The following CTNNA3 variants were observed in gnomAD, a reference collection of about 807,000 sequenced individuals.
CTNNA3 encodes the protein catenin alpha-3.
A neutral mutation model predicts 95.7 loss-of-function variants in CTNNA3; 76 were observed. The ratio of observed to expected loss-of-function variants is 0.79; its 90% CI spans 0.66 to 0.96. CTNNA3 has a LOEUF of 0.96. Ranked by LOEUF, CTNNA3 falls within the 40% of genes least tolerant of loss-of-function variation. The pLI is 0.00. For missense variants in CTNNA3, 1,191 were observed against 1,089.8 expected (o/e 1.09, Z -1.31); for synonymous variants, 431 against 374.4 (o/e 1.15, Z -1.74).
At chr10:66,951,330 G>A (rs945393612) in intron 7 of CTNNA3, among the ~76,000 whole-genome samples, 2 of 152,000 alleles carry the variant, frequency 1.3e-5, no homozygotes, top group Non-Finnish European at 2.9e-5. Context: ...TGGCCAGGCT[G>A]GTCTCAAACT....
intron 7 of CTNNA3, among the ~76,000 whole-genome samples, chr10:67,021,186 A>G (rs1044771720): frequency 6.6e-6 from 1 of 152,186 alleles, no homozygotes; most frequent in African/African-American, 2.4e-5. Context: ...CAAGATCAGA[A>G]AAGAAGTTCA....
At chr10:67,635,552 G>A (rs796976079) in intron 2 of CTNNA3, among the ~76,000 whole-genome samples, 2 of 152,028 alleles carry the variant, frequency 1.3e-5, no homozygotes, top group East Asian at 3.9e-4. Context: ...CACATAAACA[G>A]AACTAAAGAC....
rs570278973 is a variant in CTNNA3 at position 66,130,370 on chromosome 10, T to C, written c.1885-27121A>G. ...GACAAGAAATAACTAAAGTGAGAGC[T>C]GAACTGAAGACTGAGACACGAAAAA... On this transcript the variant is annotated intron_variant, in intron 13 of 17. Coordinates refer to ENST00000433211, the MANE Select transcript of CTNNA3 (RefSeq NM_013266.4). Among the ~76,000 whole-genome samples the C allele has an allele frequency of 1.6e-3, 239 of 149,000 alleles. 1 individual carries two copies. The highest frequency in any genetic ancestry group is 5.2e-3 in the African/African-American group (213 of 40,800).
chr10:66,399,725 T>C (rs2093005703), intron 11 of CTNNA3, among the ~76,000 whole-genome samples: 1 of 152,038 alleles, frequency 6.6e-6, no homozygotes, highest in Non-Finnish European at 1.5e-5. Flanking sequence ...TGAATAGTTA[T>C]ATGTAGTGAA....
In CTNNA3 at chr10:66,843,237, G is replaced by C. The variant is rs186383074; in HGVS notation, c.1048-67713C>G. Among the ~76,000 whole-genome samples the C allele has an allele frequency of 1.4e-4, 21 of 152,164 alleles. No individual in the cohort carries two copies. In the South Asian group the frequency reaches 3.3e-3, roughly 24 times the overall value. On this transcript the variant is annotated intron_variant, in intron 7 of 17. Transcript: ENST00000433211. ...GAAAACCAAGCTCAGGGGGGTTTAC[G>C]GGCTCACGATCACAGGGGATCAGTA...
intron 11 of CTNNA3, among the ~76,000 whole-genome samples, chr10:66,460,494 A>G (rs1334013828): frequency 6.6e-6 from 1 of 152,162 alleles, no homozygotes; most frequent in Non-Finnish European, 1.5e-5. Context: ...GGTAATCTAA[A>G]GCCAGGGAAC....
rs115087203 is a variant in CTNNA3 at position 66,411,933 on chromosome 10, C to G, written c.1532-32581G>C. ...ATGACATTCCGAGGAGCTCTGAAGC[C>G]TGTAAGGATTCTACCAAATTGGGGC... On this transcript the variant is annotated intron_variant, in intron 11 of 17. Transcript: ENST00000433211. Among the ~76,000 whole-genome samples the G allele has an allele frequency of 6.8e-3, 1,038 of 152,178 alleles. 10 individuals are homozygous for G. Among genetic ancestry groups the G allele is most frequent in the African/African-American group, 0.024 (983 of 41,520 alleles).
intron 14 of CTNNA3, among the ~76,000 whole-genome samples, chr10:66,092,555 C>T (rs1389062747): frequency 6.6e-6 from 1 of 151,884 alleles, no homozygotes; most frequent in East Asian, 1.9e-4. Flanking sequence ...GTAAATGCAT[C>T]GATGAGTAGA....
At chr10:66,912,887 G>T (rs1440563979) in intron 7 of CTNNA3, among the ~76,000 whole-genome samples, 1 of 150,190 alleles carries the variant, frequency 6.7e-6, no homozygotes, top group African/African-American at 2.5e-5. Flanking sequence ...TACAGCCAAG[G>T]AAGCCACAAG....
chr10:66,190,218 A>G (rs1233011271), intron 13 of CTNNA3, among the ~76,000 whole-genome samples: 1 of 152,198 alleles, frequency 6.6e-6, no homozygotes, highest in African/African-American at 2.4e-5. Context: ...CAATAACAGT[A>G]ATAGGCAATT....
At chr10:66,561,465 G>A (rs1016278099) in intron 10 of CTNNA3, among the ~76,000 whole-genome samples, 5 of 151,912 alleles carry the variant, frequency 3.3e-5, no homozygotes, top group African/African-American at 4.8e-5. Context: ...CATTTTTATC[G>A]GATACATTAA....
At chr10:66,830,836 C>G (rs946804762) in intron 7 of CTNNA3, among the ~76,000 whole-genome samples, 1 of 152,108 alleles carries the variant, frequency 6.6e-6, no homozygotes, top group Non-Finnish European at 1.5e-5. Context: ...GTCTCTATCT[C>G]CTGACCTCGT....
At chr10:66,750,857 A>G (rs536583664) in intron 9 of CTNNA3, among the ~76,000 whole-genome samples, 1 of 152,324 alleles carries the variant, frequency 6.6e-6, no homozygotes, top group East Asian at 1.9e-4. Context: ...GAGTATCTCC[A>G]TTTATTTAGA....
intron 9 of CTNNA3, among the ~76,000 whole-genome samples, chr10:66,667,395 G>T (rs989639831): frequency 3.9e-5 from 6 of 152,080 alleles, no homozygotes; most frequent in Non-Finnish European, 8.8e-5. Context: ...CAGAAACAAC[G>T]TTAAGAGAAC....
chr10:66,751,298 G>A lies in CTNNA3; in HGVS notation c.1281+14966C>T, dbSNP rs146303894. 1.4e-4 allele frequency among the ~76,000 whole-genome samples: 22 copies of A among 152,092 alleles called. 1 individual carries two copies. In the East Asian group the frequency reaches 4.1e-3, roughly 28 times the overall value. ...AAAATTTCCACTTGTCCACTTGTTT[G>A]TTGCTAGTATATAGGAAAGCAATTG... On this transcript the variant is annotated intron_variant, in intron 9 of 17. Transcript: ENST00000433211.
At chr10:66,765,726 T>G (rs1839820718) in intron 9 of CTNNA3, among the ~76,000 whole-genome samples, 1 of 152,110 alleles carries the variant, frequency 6.6e-6, no homozygotes, top group African/African-American at 2.4e-5. Flanking sequence ...CATGGTGCAT[T>G]CCCATGTCTC....
intron 7 of CTNNA3, among the ~76,000 whole-genome samples, chr10:67,074,451 C>T (rs373518953): frequency 1.4e-5 from 2 of 147,148 alleles, no homozygotes; most frequent in East Asian, 2.0e-4. Context: ...CCCGGGTTCA[C>T]GCCATTCTCC....
chr10:66,989,411 T>C (rs1262745573), intron 7 of CTNNA3, among the ~76,000 whole-genome samples: 2 of 152,216 alleles, frequency 1.3e-5, no homozygotes, highest in Non-Finnish European at 2.9e-5. Flanking sequence ...ATTATATTTG[T>C]AGGTATAACA....
At chr10:67,425,995 G>A (rs970582822) in intron 5 of CTNNA3, among the ~76,000 whole-genome samples, 8 of 152,076 alleles carry the variant, frequency 5.3e-5, no homozygotes, top group Non-Finnish European at 7.4e-5. Flanking sequence ...TTATTGCATA[G>A]CCCTATGGGG....
Sources: gnomAD v4.1 joint callset for allele counts (sites outside exome capture counted in the v4.1 genomes callset) on GRCh38, gnomAD v4.1.1 for gene constraint, MANE v1.5 for transcripts, NCBI Gene and HGNC (gene_info 2026-07-23, HGNC 2026-07-21) for gene names.